Variants in TYRP1 observed in about 807,000 individuals in gnomAD.
TYRP1 encodes the protein tyrosinase related protein 1.
In TYRP1, 49 loss-of-function variants were observed where a neutral mutation model predicts 42.8. The observed-to-expected ratio is 1.14, with a 90% CI of 0.91 to 1.45. The LOEUF is 1.45. Ranked by LOEUF, TYRP1 falls within the 40% of genes most tolerant of loss-of-function variation. The probability of loss-of-function intolerance (pLI) is 0.00; values close to 1 mark genes in which losing one functional copy is unlikely to be tolerated. For synonymous variants in TYRP1, 279 were observed against 235.4 expected (o/e 1.19, Z -1.69); for missense variants, 848 against 662.0 (o/e 1.28, Z -3.08).
In TYRP1 at chr9:12,708,998, A is replaced by AGAT. The variant is rs1460071282; in HGVS notation, c.1431_1433dup (p.Glu477_Ile478insMet). On this transcript the variant is annotated inframe_insertion, in exon 8 of 8. Transcript: ENST00000388918. The stretch of plus-strand genomic sequence containing the variant: ...ATAGGTCGGGAGTTTAGTGTACCTG[A>AGAT]GATAATTGCCATAGCAGTAGTTGGC... 1.2e-6 allele frequency: 2 copies of AGAT among 1,612,458 alleles called. No individual in the cohort carries two copies. Among genetic ancestry groups the AGAT allele is most frequent in the African/African-American group, 2.7e-5 (2 of 74,912 alleles).
chr9:12,701,128 C>A (rs182854901), intron 4 of TYRP1, among the ~76,000 whole-genome samples: 31 of 152,002 alleles, frequency 2.0e-4, no homozygotes, highest in African/African-American at 6.5e-4. Flanking sequence ...ATTTTCCTAA[C>A]CAATCACCTC....
chr9:12,696,384 T>A (rs1268947532), intron 3 of TYRP1, among the ~76,000 whole-genome samples: 2 of 152,138 alleles, frequency 1.3e-5, no homozygotes, highest in Non-Finnish European at 2.9e-5. Context: ...ACCCTTTGAG[T>A]CTTACAGAAG....
chr9:12,698,650 G>T lies in TYRP1; in HGVS notation c.908G>T (p.Cys303Phe). 2 of 1,613,184 alleles carry T rather than the reference G, an allele frequency of 1.2e-6. No individual in the cohort carries two copies. Among genetic ancestry groups the T allele is most frequent in the South Asian group, 1.1e-5 (1 of 91,066 alleles). The change falls in exon 4 of 8, where the codon TGT becomes TTT. Residue 303 changes from cysteine to phenylalanine, a missense_variant. Transcript: ENST00000388918. Reference protein sequence around the residue: ...LEDYDTLGTLCNSTEDGPIRR... With the variant: ...LEDYDTLGTLFNSTEDGPIRR... ...GATTATGATACCCTGGGAACACTTTGTAACAGTAAGTTCCAAATGATAGCT... is the reference window on the plus strand; with the variant it reads ...GATTATGATACCCTGGGAACACTTTTTAACAGTAAGTTCCAAATGATAGCT...
intron 4 of TYRP1, among the ~76,000 whole-genome samples, chr9:12,701,467 T>A (rs1225959253): frequency 6.6e-6 from 1 of 152,046 alleles, no homozygotes; most frequent in Non-Finnish European, 1.5e-5. Flanking sequence ...GGGGGTGTTA[T>A]AGACAGAAGA....
At position 12,704,610 on chromosome 9, in the gene TYRP1, G is replaced by T; in HGVS notation, c.1166G>T (p.Gly389Val). ...CATCTATTCCTGAATGGAACAGGGGGACAAACCCATTTGTCTCCAAATGAT... is the reference window on the plus strand; with the variant it reads ...CATCTATTCCTGAATGGAACAGGGGTACAAACCCATTTGTCTCCAAATGAT... ...LAHLFLNGTG[G>V]QTHLSPNDPI... The change falls in exon 6 of 8, where the codon GGA (glycine) becomes GTA (valine). Residue 389 changes from glycine (G) to valine (V), a missense_variant. Gly to Val is a moderately radical substitution (Grantham distance 109). Transcript: ENST00000388918. The T allele has an allele frequency of 6.8e-6, 11 of 1,613,140 alleles. No homozygotes were observed. Among genetic ancestry groups the T allele is most frequent in the Non-Finnish European group, 9.3e-6 (11 of 1,179,504 alleles).
chr9:12,695,445 T>C (rs1481136460), intron 2 of TYRP1, 70 bp from the exon 3 acceptor site: 1 of 1,407,290 alleles, frequency 7.1e-7, no homozygotes, highest in Non-Finnish European at 1.0e-6. Context: ...TGTTACAAGA[T>C]GATTATGCTC....
chr9:12,701,015 G>T (rs754430241), intron 4 of TYRP1, among the ~76,000 whole-genome samples: 6 of 151,980 alleles, frequency 3.9e-5, no homozygotes, highest in Non-Finnish European at 7.4e-5. Flanking sequence ...AATATGAGTT[G>T]AAGTTGTAAA....
chr9:12,702,869 C>G (rs148031683), intron 5 of TYRP1, among the ~76,000 whole-genome samples: 2 of 151,838 alleles, frequency 1.3e-5, no homozygotes, highest in Non-Finnish European at 2.9e-5. Flanking sequence ...GCCTTGCTTG[C>G]GCATATGTTT....
chr9:12,697,367 G>A (rs951534776), intron 3 of TYRP1, among the ~76,000 whole-genome samples: 3 of 152,106 alleles, frequency 2.0e-5, no homozygotes, highest in African/African-American at 7.2e-5. Context: ...GTCAGTTGCT[G>A]AACCACAAAC....
At chr9:12,696,679 T>C (rs1046444320) in intron 3 of TYRP1, among the ~76,000 whole-genome samples, 1 of 151,562 alleles carries the variant, frequency 6.6e-6, no homozygotes, top group African/African-American at 2.4e-5. Context: ...TATTAAAGTA[T>C]CTAGTTACGT....
rs181350173 is a variant in TYRP1, at chr9:12,693,928, G to T, written c.-69G>T. The T allele has an allele frequency of 1.3e-4, 214 of 1,598,044 alleles. No homozygotes were observed. The highest frequency in any genetic ancestry group is 6.7e-4 in the Admixed American group (40 of 59,488). On this transcript the variant is annotated 5_prime_UTR_variant, in exon 2 of 8. Coordinates refer to ENST00000388918, the MANE Select transcript of TYRP1 (RefSeq NM_000550.3). ...CTTTTTCAGCTGGATTTTCCTCTAC[G>T]TGCTTCAGTCTTCTCTACACAAAGA... is the stretch of plus-strand genomic sequence containing the variant.
intron 5 of TYRP1, among the ~76,000 whole-genome samples, chr9:12,703,823 T>C: frequency 6.6e-6 from 1 of 151,840 alleles, no homozygotes; most frequent in East Asian, 1.9e-4. Flanking sequence ...TCCATTTTTA[T>C]TTATGACCTG....
chr9:12,704,765 G>C, intron 6 of TYRP1, 60 bp downstream of exon 6: 1 of 1,530,510 alleles, frequency 6.5e-7, no homozygotes, highest in Admixed American at 1.7e-5. Flanking sequence ...AGATGGCATA[G>C]TTATCAGTTC....
chr9:12,702,953 A>T (rs758760554), intron 5 of TYRP1, among the ~76,000 whole-genome samples: 34 of 152,056 alleles, frequency 2.2e-4, no homozygotes, highest in Non-Finnish European at 3.8e-4. Flanking sequence ...ACTGATGCTT[A>T]ACTTGGTTTT....
At chr9:12,698,721 TGAAAGGCCC>T in intron 4 of TYRP1, 66 bp downstream of exon 4, 1 of 1,444,276 alleles carries the variant, frequency 6.9e-7, no homozygotes, top group Non-Finnish European at 9.7e-7. Context: ...ATATGTTGCC[TGAAAGGCCC>T]TTCATTCTAC....
intron 6 of TYRP1, among the ~76,000 whole-genome samples, chr9:12,705,619 T>G (rs1254394121): frequency 6.6e-6 from 1 of 151,984 alleles, no homozygotes; most frequent in Non-Finnish European, 1.5e-5. Context: ...AGCCGAGATG[T>G]GGGGATCACT....
intron 2 of TYRP1, 135 bp from the exon 3 acceptor site, chr9:12,695,380 A>G: frequency 1.3e-6 from 1 of 793,560 alleles, no homozygotes; most frequent in Non-Finnish European, 2.0e-6. Flanking sequence ...GATATTTTTA[A>G]AAGTGTAAAA....
At position 12,698,190 on chromosome 9, in the gene TYRP1, C is replaced by G. The variant is rs148086863; in HGVS notation, c.709-261C>G. On this transcript the variant is annotated intron_variant, in intron 3 of 7. Coordinates refer to ENST00000388918, the MANE Select transcript of TYRP1 (RefSeq NM_000550.3). ...AAAAGAAAAAGAAGACCCTTTATCC[C>G]TTTAAATCATTTTCAGAAATGTCTG... is the stretch of plus-strand genomic sequence containing the variant. 1.2e-4 allele frequency among the ~76,000 whole-genome samples: 18 copies of G among 152,176 alleles called. No individual in the cohort carries two copies. In the East Asian group the frequency reaches 3.1e-3, roughly 26 times the overall value.
chr9:12,708,406 C>CAAAT (rs1401706628), intron 7 of TYRP1, among the ~76,000 whole-genome samples: 2 of 151,834 alleles, frequency 1.3e-5, no homozygotes, highest in African/African-American at 4.8e-5. Context: ...CTTCATTTCA[C>CAAAT]AAATAAGGAA....
Sources: allele counts gnomAD v4.1 joint callset (sites outside exome capture counted in the v4.1 genomes callset), GRCh38; gene constraint gnomAD v4.1.1; transcripts MANE v1.5; gene names NCBI Gene and HGNC (gene_info 2026-07-23, HGNC 2026-07-21).